The following HPSE2 variants were observed in gnomAD, a reference collection of about 807,000 sequenced individuals.
The protein encoded by HPSE2 is heparanase 2 (inactive).
HPSE2 carries 38 observed loss-of-function variants against 60.5 expected under a neutral mutation model. The observed-to-expected ratio is 0.63, with a 90% CI of 0.48 to 0.82. The LOEUF is 0.82. Among genes scored for constraint, HPSE2 ranks in the 40% least tolerant of loss-of-function variants. HPSE2 has a pLI of 0.00. For missense variants in HPSE2, 713 were observed against 740.4 expected, an observed-to-expected ratio of 0.96 and a Z score of 0.43; for synonymous variants, 295 against 293.2, an observed-to-expected ratio of 1.01 and a Z score of -0.06.
chr10:98,655,146 C>G (rs1246068538), intron 6 of HPSE2, among the ~76,000 whole-genome samples: 1 of 152,100 alleles, frequency 6.6e-6, no homozygotes, highest in East Asian at 1.9e-4. Flanking sequence ...ATAGCTTTCC[C>G]CCTGTATGTA....
intron 9 of HPSE2, among the ~76,000 whole-genome samples, chr10:98,543,447 C>A (rs1322705037): frequency 1.3e-5 from 2 of 151,872 alleles, no homozygotes; most frequent in Non-Finnish European, 2.9e-5. Flanking sequence ...CAGCTAACAT[C>A]ATAATGACAG....
the HPSE2 span, among the ~76,000 whole-genome samples, chr10:99,276,280 C>T: frequency 6.6e-6 from 1 of 152,188 alleles, no homozygotes; most frequent in South Asian, 2.1e-4. Context: ...CTACTAATGC[C>T]TATTTACACT....
intron 3 of HPSE2, among the ~76,000 whole-genome samples, chr10:98,923,926 G>A (rs1376371947): frequency 6.6e-6 from 1 of 152,004 alleles, no homozygotes; most frequent in East Asian, 1.9e-4. Flanking sequence ...AGTTCATTTG[G>A]TGAAGTAATG....
intron 11 of HPSE2, 127 bp downstream of exon 11, chr10:98,482,509 C>T (rs1941277626): frequency 1.4e-5 from 16 of 1,144,944 alleles, no homozygotes; most frequent in Admixed American, 5.1e-5. Flanking sequence ...GACCCCAGAC[C>T]GCTCTTTGTC....
chr10:99,034,161 A>T (rs1264662845), intron 3 of HPSE2, among the ~76,000 whole-genome samples: 1 of 152,202 alleles, frequency 6.6e-6, no homozygotes, highest in Non-Finnish European at 1.5e-5. Context: ...AAAGGAACAA[A>T]CTATGATTTA....
intron 2 of HPSE2, among the ~76,000 whole-genome samples, chr10:99,154,894 AG>A (rs1305486614): frequency 6.6e-6 from 1 of 152,162 alleles, no homozygotes; most frequent in Non-Finnish European, 1.5e-5. Context: ...CTCAAAATAA[AG>A]GGATGGAGGA....
intron 3 of HPSE2, among the ~76,000 whole-genome samples, chr10:98,987,101 C>A (rs1956380239): frequency 6.6e-6 from 1 of 151,900 alleles, no homozygotes; most frequent in East Asian, 1.9e-4. Context: ...TGAAACTATT[C>A]CGATCAATAG....
intron 4 of HPSE2, among the ~76,000 whole-genome samples, chr10:98,732,730 T>A (rs773148969): frequency 6.6e-6 from 1 of 152,112 alleles, no homozygotes; most frequent in Non-Finnish European, 1.5e-5. Context: ...TAAGCAAAGA[T>A]TATAGCACCA....
chr10:98,537,804 G>A lies in HPSE2; in HGVS notation c.1321-47608C>T, dbSNP rs550185810. Among the ~76,000 whole-genome samples, 586 of 152,348 alleles carry A rather than the reference G, an allele frequency of 3.8e-3. 2 individuals carry two copies. The highest frequency in any genetic ancestry group is 0.013 in the African/African-American group (553 of 41,578). On this transcript the variant is annotated intron_variant, in intron 9 of 11. Transcript: ENST00000370552. ...GGCTGGATATTATCCAGGCCTGCCTGCAGTCATCCGGAGGCCTAAACCCCT... is the reference window on the plus strand; with the variant it reads ...GGCTGGATATTATCCAGGCCTGCCTACAGTCATCCGGAGGCCTAAACCCCT...
intron 3 of HPSE2, among the ~76,000 whole-genome samples, chr10:99,100,133 C>G (rs1034424170): frequency 1.3e-5 from 2 of 152,208 alleles, no homozygotes; most frequent in Non-Finnish European, 1.5e-5. Context: ...TGGAACAAAG[C>G]TGGGTGGAGA....
chr10:98,752,398 G>A (rs1285008626), intron 3 of HPSE2, among the ~76,000 whole-genome samples: 1 of 152,036 alleles, frequency 6.6e-6, no homozygotes, highest in Non-Finnish European at 1.5e-5. Context: ...GTAGCCTATG[G>A]GTTTTAACAT....
At chr10:98,885,352 T>C (rs1421383133) in intron 3 of HPSE2, among the ~76,000 whole-genome samples, 4 of 152,204 alleles carry the variant, frequency 2.6e-5, no homozygotes, top group Admixed American at 2.6e-4. Context: ...CTGAACATTG[T>C]TGAAGTGACA....
In HPSE2 at chr10:98,726,020, C is replaced by T. The variant is rs192373476; in HGVS notation, c.785-4192G>A. Among the ~76,000 whole-genome samples, 421 of 152,264 alleles carry T rather than the reference C, an allele frequency of 2.8e-3. 2 individuals carry two copies. The highest frequency in any genetic ancestry group is 4.6e-3 in the Non-Finnish European group (315 of 68,022). ...GAGAGGATGTGGAGAAATAGGAACA[C>T]TTTTACACCATTGGTGGGACTGTAA... On this transcript the variant is annotated intron_variant, in intron 4 of 11. Transcript: ENST00000370552.
chr10:98,485,023 A>G (rs1436337388), intron 10 of HPSE2, among the ~76,000 whole-genome samples: 1 of 152,214 alleles, frequency 6.6e-6, no homozygotes, highest in African/African-American at 2.4e-5. Flanking sequence ...CATTCCTTAT[A>G]GAAATAACAC....
At chr10:98,550,273 C>T (rs1943820051) in intron 9 of HPSE2, among the ~76,000 whole-genome samples, 2 of 133,210 alleles carry the variant, frequency 1.5e-5, no homozygotes, top group Non-Finnish European at 3.2e-5. Context: ...CCCTTCCATC[C>T]TTATTAATGC....
intron 3 of HPSE2, among the ~76,000 whole-genome samples, chr10:98,768,741 T>C (rs1458729203): frequency 6.6e-6 from 1 of 152,180 alleles, no homozygotes; most frequent in Admixed American, 6.5e-5. Context: ...ATTCCTTGTT[T>C]TACAAAAGTC....
chr10:98,691,831 C>A (rs1948084378), intron 6 of HPSE2, among the ~76,000 whole-genome samples: 1 of 152,148 alleles, frequency 6.6e-6, no homozygotes, highest in Non-Finnish European at 1.5e-5. Flanking sequence ...GTCCCTAACT[C>A]ATTTGGTTGT....
intron 3 of HPSE2, among the ~76,000 whole-genome samples, chr10:98,950,401 ATAT>A (rs1351850848): frequency 6.6e-6 from 1 of 152,210 alleles, no homozygotes; most frequent in Non-Finnish European, 1.5e-5. Context: ...GGTACTTGAA[ATAT>A]TAATAATAAT....
intron 5 of HPSE2, among the ~76,000 whole-genome samples, chr10:98,720,877 T>A (rs149750758): frequency 6.6e-6 from 1 of 152,284 alleles, no homozygotes; most frequent in East Asian, 1.9e-4. Context: ...AAATGATGCA[T>A]ATACAATGAT....
Sources: allele counts gnomAD v4.1 joint callset (sites outside exome capture counted in the v4.1 genomes callset), GRCh38; gene constraint gnomAD v4.1.1; transcripts MANE v1.5; gene names NCBI Gene and HGNC (gene_info 2026-07-23, HGNC 2026-07-21).